PGAP2: variants seen among roughly 807,000 people sequenced by gnomAD.
PGAP2 encodes acyltransferase PGAP2.
PGAP2 carries 21 observed loss-of-function variants against 33.2 expected under a neutral mutation model. That is an observed-to-expected ratio of 0.63 (90% confidence interval 0.45 to 0.91). The LOEUF (loss-of-function observed/expected upper bound fraction) is 0.91, where lower values mean the gene tolerates loss of function less well. PGAP2 is among the 40% of genes least tolerant of loss of function. PGAP2 has a pLI of 0.00. For missense variants in PGAP2, 345 were observed against 424.0 expected, an observed-to-expected ratio of 0.81 and a Z score of 1.64; for synonymous variants, 161 against 172.9, an observed-to-expected ratio of 0.93 and a Z score of 0.54.
intron 3 of PGAP2, 198 bp downstream of exon 3, chr11:3,817,733 G>C (rs1045673834): frequency 5.8e-6 from 4 of 694,272 alleles, no homozygotes; most frequent in African/African-American, 5.3e-5. Context: ...TCCTCCCTGA[G>C]TTGGAAGATG....
intron 3 of PGAP2, among the ~76,000 whole-genome samples, chr11:3,818,310 T>G (rs1590326201): frequency 7.7e-6 from 1 of 130,132 alleles, no homozygotes; most frequent in Admixed American, 8.8e-5. Context: ...GAGGTTGCAG[T>G]GAGCCAAGAT....
intron 2 of PGAP2, among the ~76,000 whole-genome samples, chr11:3,814,794 TTCTTTCTTTCTTTCTTTC>T (rs2086521750): frequency 1.8e-5 from 2 of 111,832 alleles, no homozygotes; most frequent in Non-Finnish European, 4.3e-5. Context: ...CTTTCTTTCT[TTCTTTCTTTCTTTCTTTC>T]TCTTTCTTTC....
chr11:3,817,582 T>C lies in PGAP2; in HGVS notation c.348+47T>C, dbSNP rs7114556. ...CCTGGGTCAGGGCCAGGTCAGGAGG[T>C]GGCAGTTAGGGTAGAATTAGATAGT... On this transcript the variant is annotated intron_variant, in intron 3 of 6. Transcript: ENST00000278243. The C allele has an allele frequency of 0.014, 21,309 of 1,495,460 alleles. 2,447 individuals are homozygous for C. The African/African-American group carries it at 0.25, about 18-fold the overall frequency. 92.6% of individuals were successfully genotyped at this position (1,495,460 alleles called of 1,614,324 possible). A position where few individuals can be genotyped will look rare whatever the true frequency, so the allele number is the denominator to read the frequency against.
At chr11:3,812,535 A>AT (rs1486089479) in intron 2 of PGAP2, among the ~76,000 whole-genome samples, 1 of 152,160 alleles carries the variant, frequency 6.6e-6, no homozygotes, top group African/African-American at 2.4e-5. Flanking sequence ...GGATGATGAA[A>AT]TGTGAGGAGC....
Position 3,811,430 on chromosome 11 carries a change from G to C in PGAP2, c.165+6G>C. The C allele has an allele frequency of 6.2e-7, 1 of 1,612,280 alleles. No homozygotes were observed. Among genetic ancestry groups the C allele is most frequent in the Non-Finnish European group, 8.5e-7 (1 of 1,178,856 alleles). On this transcript the variant is annotated splice_donor_region_variant and intron_variant, in intron 2 of 6. Transcript: ENST00000278243. This position sits in a 1 kb window ranked among gnomAD's most constrained non-coding sequence, Gnocchi z 4.6. ...CAACGGCCACACACTGTGGGGTAGG[G>C]CATGGGGACACTGATACCTCATATT...
At chr11:3,808,293 G>A (rs775910056), upstream of PGAP2, 3 of 1,551,532 alleles carry the variant, frequency 1.9e-6, no homozygotes, top group Non-Finnish European at 8.7e-7. Flanking sequence ...TCTTTCAACA[G>A]GTAGATGGAA....
chr11:3,823,827 C>T (rs2089451833), intron 3 of PGAP2, 56 bp from the exon 4 acceptor site: 4 of 1,597,240 alleles, frequency 2.5e-6, no homozygotes, highest in Non-Finnish European at 3.4e-6. Context: ...AGAGAAGGTT[C>T]TCCACATGGG....
upstream of PGAP2, among the ~76,000 whole-genome samples, chr11:3,805,109 C>T (rs2084093843): frequency 6.6e-6 from 1 of 152,098 alleles, no homozygotes. Context: ...CGGTGACAGC[C>T]AAGGTCAGAC....
In PGAP2 at chr11:3,798,634, A is replaced by ACTT. The variant is rs1172054010; in HGVS notation, c.139+652_139+653insCTT. Among the ~76,000 whole-genome samples, 96 of 75,746 alleles carry ACTT rather than the reference A, an allele frequency of 1.3e-3. 2 individuals are homozygous for ACTT. Among genetic ancestry groups the ACTT allele is most frequent in the Admixed American group, 2.0e-3 (14 of 7,002 alleles). 49.7% of individuals were successfully genotyped at this position (75,746 alleles called of 152,430 possible). A position where few individuals can be genotyped will look rare whatever the true frequency, so the allele number is the denominator to read the frequency against. ...ACGTGAGCCACCTCGCCCATGAACT[A>ACTT]ATTTTTTTTTTTTTTTTTGAGATGG... On this transcript the variant is annotated intron_variant, in intron 1 of 6. Coordinates refer to the PGAP2 transcript ENST00000300730.
intron 3 of PGAP2, chr11:3,818,063 A>C (rs1188077658): frequency 1.3e-5 from 2 of 151,556 alleles, no homozygotes; most frequent in Admixed American, 1.4e-4. Flanking sequence ...AAAACAAAAT[A>C]AAAAAAAAAA....
intron 1 of PGAP2, among the ~76,000 whole-genome samples, chr11:3,803,293 C>G (rs558996200): frequency 1.4e-4 from 13 of 92,416 alleles, no homozygotes; most frequent in African/African-American, 3.0e-4. Flanking sequence ...ACACCCGGCC[C>G]TGTTTTTTTT....
chr11:3,797,783 C>G (rs778938135), upstream of PGAP2: 16 of 1,539,056 alleles, frequency 1.0e-5, no homozygotes, highest in Admixed American at 2.0e-5. Context: ...CGCCCCTCGC[C>G]GCCGCGGTTG....
At chr11:3,819,968 C>G (rs2088136253) in intron 3 of PGAP2, among the ~76,000 whole-genome samples, 1 of 152,186 alleles carries the variant, frequency 6.6e-6, no homozygotes, top group Admixed American at 6.5e-5. Context: ...CCCTAACTCT[C>G]TCTTCCTCCT....
intron 2 of PGAP2, among the ~76,000 whole-genome samples, chr11:3,812,401 C>G (rs1240209797): frequency 1.3e-5 from 2 of 152,072 alleles, no homozygotes; most frequent in Non-Finnish European, 2.9e-5. Flanking sequence ...TGTACTTCAG[C>G]CTGATGACAT....
chr11:3,817,650 G>A lies in PGAP2; in HGVS notation c.348+115G>A, dbSNP rs755146507. 12 of 861,548 alleles carry A rather than the reference G, an allele frequency of 1.4e-5. No individual in the cohort carries two copies. The East Asian group carries it at 3.1e-4, about 22-fold the overall frequency. 53.4% of individuals were successfully genotyped at this position (861,548 alleles called of 1,614,324 possible). ...TCAGAGAGAGGGAAAGGGACAAGGG[G>A]ATGGGGGAAGGGTAGGTAAGTCAGA... On this transcript the variant is annotated intron_variant, in intron 3 of 6. Coordinates refer to ENST00000278243, the MANE Select transcript of PGAP2 (RefSeq NM_014489.4).
intron 3 of PGAP2, chr11:3,823,487 G>A: frequency 4.2e-6 from 4 of 960,878 alleles, no homozygotes; most frequent in Non-Finnish European, 3.1e-6. Context: ...CAGATGGTCT[G>A]TGACTCATCC....
At chr11:3,821,029 A>G (rs182787430) in intron 3 of PGAP2, among the ~76,000 whole-genome samples, 5 of 151,066 alleles carry the variant, frequency 3.3e-5, no homozygotes, top group Admixed American at 1.3e-4. Flanking sequence ...CTCAGAGTGC[A>G]TGTCTGAGCC....
At chr11:3,798,172 C>G (rs2082841483) in intron 1 of PGAP2, 1 of 1,365,266 alleles carries the variant, frequency 7.3e-7, no homozygotes. Context: ...TCTCCTGACC[C>G]ATGCTCGCCC....
chr11:3,813,017 C>T (rs1446811406), intron 2 of PGAP2, among the ~76,000 whole-genome samples: 3 of 152,176 alleles, frequency 2.0e-5, no homozygotes, highest in Non-Finnish European at 4.4e-5. Flanking sequence ...GCTAGCCACT[C>T]CTGATCATCC....
Sources: allele counts gnomAD v4.1 joint callset (sites outside exome capture counted in the v4.1 genomes callset), GRCh38; gene constraint gnomAD v4.1.1; non-coding constraint Gnocchi (gnomAD v3.1); transcripts MANE v1.5; gene names NCBI Gene and HGNC (gene_info 2026-07-23, HGNC 2026-07-21).